Variants in MAP4K4 observed in about 807,000 individuals in gnomAD.
MAP4K4 encodes the protein HPK/GCK-like kinase HGK.
MAP4K4 carries 38 observed loss-of-function variants against 189.6 expected under a neutral mutation model. That is an observed-to-expected ratio of 0.20 (90% confidence interval 0.15 to 0.26). The LOEUF is 0.26. Among genes scored for constraint, MAP4K4 ranks in the 10% least tolerant of loss-of-function variants. MAP4K4 has a pLI of 1.00. For missense variants in MAP4K4, 1,054 were observed against 1,726.9 expected (o/e 0.61, Z 6.91); for synonymous variants, 610 against 624.3 (o/e 0.98, Z 0.34).
At position 101,851,813 on chromosome 2, in the gene MAP4K4, A is replaced by G. The variant is rs1387430636; in HGVS notation, c.1234-4164A>G. Among the ~76,000 whole-genome samples the G allele has an allele frequency of 3.8e-5, 5 of 132,614 alleles. No homozygotes were observed. The South Asian group carries it at 7.6e-4, about 20-fold the overall frequency. 87.0% of individuals were successfully genotyped at this position (132,614 alleles called of 152,430 possible). On this transcript the variant is annotated intron_variant, in intron 12 of 32. Transcript: ENST00000324219. The stretch of plus-strand genomic sequence containing the variant: ...CACTAACCAGGACTTGCTTAGTGGG[A>G]TAGTCTTGGGAGATTTACCACTTTC...
chr2:101,879,381 AAAAC>A, intron 27 of MAP4K4, among the ~76,000 whole-genome samples: 1 of 151,876 alleles, frequency 6.6e-6, no homozygotes, highest in South Asian at 2.1e-4. Context: ...TAGGAAGAAT[AAAAC>A]AAAATGTCAC....
At chr2:101,793,217 T>TA (rs1273094496) in intron 3 of MAP4K4, among the ~76,000 whole-genome samples, 1 of 152,226 alleles carries the variant, frequency 6.6e-6, no homozygotes, top group Non-Finnish European at 1.5e-5. Flanking sequence ...AAATAAGTAT[T>TA]ATACAAACAC....
rs6727806 is a variant in MAP4K4, at chr2:101,829,611, C to T, written c.508+17C>T. The T allele has an allele frequency of 2.8e-3, 4,402 of 1,576,158 alleles. 110 individuals are homozygous for T. In the African/African-American group the frequency reaches 0.051, roughly 18 times the overall value. ...TGAAACTTGGTATGTAATGGATGTG[C>T]GGCGTGATCTCATAATTGCACCTGG... is the stretch of plus-strand genomic sequence containing the variant. On this transcript the variant is annotated intron_variant, in intron 6 of 32. Transcript: ENST00000324219.
At chr2:101,771,499 C>T (rs2081396273) in intron 2 of MAP4K4, among the ~76,000 whole-genome samples, 1 of 152,160 alleles carries the variant, frequency 6.6e-6, no homozygotes, top group South Asian at 2.1e-4. Flanking sequence ...ATTCTTCTTT[C>T]ATGTGTTTTC....
chr2:101,881,972 A>G lies in MAP4K4; in HGVS notation c.3386-579A>G, dbSNP rs770767834. 8.9e-4 allele frequency among the ~76,000 whole-genome samples: 135 copies of G among 152,198 alleles called. 3 individuals carry two copies. The highest frequency in any genetic ancestry group is 3.2e-3 in the Middle Eastern group (1 of 316). On this transcript the variant is annotated intron_variant, in intron 27 of 32. Coordinates refer to ENST00000324219, the Ensembl canonical transcript of MAP4K4. ...TGGAGCTATTAGGAACCATGCTGCT[A>G]TGAACATTCCTGTTGTTGTACTTGG... is the stretch of plus-strand genomic sequence containing the variant.
intron 3 of MAP4K4, among the ~76,000 whole-genome samples, chr2:101,818,149 G>A (rs1468049828): frequency 6.6e-6 from 1 of 152,172 alleles, no homozygotes; most frequent in Non-Finnish European, 1.5e-5. Context: ...CAGGTAAAAA[G>A]TAGTCAGTTC....
intron 2 of MAP4K4, among the ~76,000 whole-genome samples, chr2:101,719,589 A>G (rs963709482): frequency 3.3e-5 from 5 of 152,164 alleles, no homozygotes; most frequent in African/African-American, 1.2e-4. Context: ...TCAGGGAGAA[A>G]CTGGGGAAAG....
chr2:101,740,281 G>A lies in MAP4K4; in HGVS notation c.123+41743G>A, dbSNP rs1236177203. On this transcript the variant is annotated intron_variant, in intron 2 of 32. Transcript: ENST00000324219. Reference sequence around the variant, plus strand: ...CTATTCTCCTGCCTCAGCCTCCCAAGTAGCTGGGACTACAGGCGCCCGCCA... The same window carrying A: ...CTATTCTCCTGCCTCAGCCTCCCAAATAGCTGGGACTACAGGCGCCCGCCA... 2.5e-5 allele frequency among the ~76,000 whole-genome samples: 3 copies of A among 120,234 alleles called. No individual in the cohort carries two copies. In the East Asian group the frequency reaches 6.5e-4, roughly 26 times the overall value. 78.9% of individuals were successfully genotyped at this position (120,234 alleles called of 152,430 possible). A position where few individuals can be genotyped will look rare whatever the true frequency, so the allele number is the denominator to read the frequency against.
chr2:101,787,283 CATT>C (rs2091627264), intron 2 of MAP4K4, among the ~76,000 whole-genome samples: 2 of 152,200 alleles, frequency 1.3e-5, no homozygotes, highest in South Asian at 4.1e-4. Context: ...CCTTAAGAAA[CATT>C]ATAGAGGCCA....
At chr2:101,764,840 T>C (rs1241008628) in intron 2 of MAP4K4, among the ~76,000 whole-genome samples, 2 of 152,182 alleles carry the variant, frequency 1.3e-5, no homozygotes, top group Non-Finnish European at 2.9e-5. Flanking sequence ...TTTATAAACA[T>C]ATCCCTTGAA....
intron 24 of MAP4K4, among the ~76,000 whole-genome samples, chr2:101,872,628 CCTAGACAGGCTTGGCATCGG>C (rs1267553919): frequency 6.6e-6 from 1 of 152,134 alleles, no homozygotes; most frequent in Non-Finnish European, 1.5e-5. Context: ...TCAACTGCTT[CCTAGACAGGCTTGGCATCGG>C]CTAGACTGGC....
At chr2:101,881,998 G>A (rs2098404577) in intron 27 of MAP4K4, among the ~76,000 whole-genome samples, 1 of 152,010 alleles carries the variant, frequency 6.6e-6, no homozygotes, top group East Asian at 1.9e-4. Context: ...TTGTACTTGG[G>A]GGCATACATA....
At chr2:101,817,103 C>T (rs2095775421) in intron 3 of MAP4K4, among the ~76,000 whole-genome samples, 1 of 151,918 alleles carries the variant, frequency 6.6e-6, no homozygotes, top group Non-Finnish European at 1.5e-5. Context: ...CCCTCCTCCT[C>T]AATGCATTCA....
chr2:101,734,781 G>A (rs1439831197), intron 2 of MAP4K4, among the ~76,000 whole-genome samples: 1 of 152,098 alleles, frequency 6.6e-6, no homozygotes, highest in African/African-American at 2.4e-5. Flanking sequence ...CTGTGCTCTT[G>A]GCCTGCTGTT....
intron 32 of MAP4K4, among the ~76,000 whole-genome samples, chr2:101,890,138 A>G (rs1257457389): frequency 2.6e-5 from 4 of 152,234 alleles, no homozygotes; most frequent in Non-Finnish European, 4.4e-5. Context: ...AAATGGCACA[A>G]AAATTCTATT....
chr2:101,793,354 C>T (rs887301891), intron 3 of MAP4K4, among the ~76,000 whole-genome samples: 1 of 152,182 alleles, frequency 6.6e-6, no homozygotes, highest in East Asian at 1.9e-4. Flanking sequence ...CCATGCACAG[C>T]AGGCAGCCTG....
chr2:101,797,441 TC>T, intron 3 of MAP4K4: 1 of 1,233,524 alleles, frequency 8.1e-7, no homozygotes, highest in Non-Finnish European at 1.1e-6. Flanking sequence ...CACCGCCCCC[TC>T]CCTCCTTATC....
intron 2 of MAP4K4, among the ~76,000 whole-genome samples, chr2:101,750,115 A>G (rs1438511366): frequency 2.0e-5 from 3 of 149,586 alleles, no homozygotes; most frequent in African/African-American, 7.5e-5. Flanking sequence ...TTCCTCAGGG[A>G]TCTAGAACTA....
chr2:101,803,065 C>T (rs1421413133), intron 3 of MAP4K4, among the ~76,000 whole-genome samples: 14 of 152,206 alleles, frequency 9.2e-5, no homozygotes, highest in Non-Finnish European at 1.8e-4. Flanking sequence ...GGGTTACAGG[C>T]GTCAGCCACT....
Sources: allele counts gnomAD v4.1 joint callset (sites outside exome capture counted in the v4.1 genomes callset), GRCh38; gene constraint gnomAD v4.1.1; transcripts MANE v1.5; gene names NCBI Gene and HGNC (gene_info 2026-07-23, HGNC 2026-07-21).